DOCK3: variants seen among roughly 807,000 people sequenced by gnomAD.
DOCK3 encodes the protein dedicator of cytokinesis 3.
DOCK3 carries 60 observed loss-of-function variants against 265.6 expected under a neutral mutation model. The ratio of observed to expected loss-of-function variants is 0.23; its 90% CI spans 0.18 to 0.28. The LOEUF is 0.28. Among genes scored for constraint, DOCK3 ranks in the 10% least tolerant of loss-of-function variants. The pLI is 1.00. For missense variants in DOCK3, 1,981 were observed against 2,594.3 expected (o/e 0.76, Z 5.14); for synonymous variants, 881 against 938.0 (o/e 0.94, Z 1.11).
At chr3:50,861,846 G>A (rs1402936938) in intron 3 of DOCK3, among the ~76,000 whole-genome samples, 1 of 145,314 alleles carries the variant, frequency 6.9e-6, no homozygotes, top group African/African-American at 2.5e-5. Flanking sequence ...GCAGCAGAAG[G>A]TTGGGTCGTT....
At chr3:50,677,944 A>G (rs186724728) in intron 1 of DOCK3, among the ~76,000 whole-genome samples, 2 of 152,226 alleles carry the variant, frequency 1.3e-5, no homozygotes, top group East Asian at 3.9e-4. Context: ...ATCCTTTCTG[A>G]GGGTCAGTGA....
intron 32 of DOCK3, among the ~76,000 whole-genome samples, chr3:51,325,592 A>G (rs920119407): frequency 3.3e-5 from 5 of 152,190 alleles, no homozygotes; most frequent in East Asian, 1.9e-4. Flanking sequence ...AAATCATTCT[A>G]CTATAAAGAC....
chr3:51,297,010 C>T (rs2082117219), intron 27 of DOCK3, among the ~76,000 whole-genome samples: 1 of 146,576 alleles, frequency 6.8e-6, no homozygotes, highest in African/African-American at 2.5e-5. Flanking sequence ...CCCAGCTACT[C>T]AGGAGGCTGA....
intron 1 of DOCK3, among the ~76,000 whole-genome samples, chr3:50,712,503 A>G (rs1344665743): frequency 6.6e-6 from 1 of 151,988 alleles, no homozygotes; most frequent in Non-Finnish European, 1.5e-5. Context: ...ACGCCTGGCT[A>G]ATTTTTGTAT....
At chr3:50,813,641 G>T (rs563814359) in intron 2 of DOCK3, among the ~76,000 whole-genome samples, 4 of 152,248 alleles carry the variant, frequency 2.6e-5, no homozygotes, top group Admixed American at 1.3e-4. Context: ...TTATGATGGG[G>T]TTATGTCTTG....
At chr3:50,725,269 CAT>C (rs2108058064) in intron 1 of DOCK3, among the ~76,000 whole-genome samples, 1 of 152,236 alleles carries the variant, frequency 6.6e-6, no homozygotes, top group African/African-American at 2.4e-5. Context: ...ATAAGGTTCT[CAT>C]GTTGTTTCTG....
chr3:50,745,840 G>T (rs569361911), intron 1 of DOCK3, among the ~76,000 whole-genome samples: 2 of 152,252 alleles, frequency 1.3e-5, no homozygotes, highest in South Asian at 4.1e-4. Flanking sequence ...TCGGCTCCAG[G>T]GTTCCAAGAG....
At chr3:50,919,485 T>C (rs936990175) in intron 4 of DOCK3, among the ~76,000 whole-genome samples, 1 of 152,138 alleles carries the variant, frequency 6.6e-6, no homozygotes, top group East Asian at 1.9e-4. Flanking sequence ...TTGTAAGTTA[T>C]ATTCCTAGGT....
chr3:51,040,213 T>G (rs962188995), intron 5 of DOCK3, among the ~76,000 whole-genome samples: 11 of 2,020 alleles, frequency 5.4e-3, no homozygotes, highest in Admixed American at 8.1e-3. Flanking sequence ...ATGTGCCAGT[T>G]TTTTTTTTTT....
chr3:51,186,721 C>T (rs1469194396), intron 12 of DOCK3, among the ~76,000 whole-genome samples: 2 of 152,234 alleles, frequency 1.3e-5, no homozygotes, highest in East Asian at 3.8e-4. Flanking sequence ...GCTGCTCCAG[C>T]TGTGGCTGAA....
At chr3:50,901,327 C>A (rs1458996024) in intron 4 of DOCK3, among the ~76,000 whole-genome samples, 1 of 152,150 alleles carries the variant, frequency 6.6e-6, no homozygotes, top group Admixed American at 6.5e-5. Context: ...CCTCCCCCCA[C>A]CAAGCTCGAG....
Position 51,265,020 on chromosome 3 carries a change from A to G in DOCK3, c.2355+4694A>G, listed in dbSNP as rs373637156. 5.1e-4 allele frequency among the ~76,000 whole-genome samples: 78 copies of G among 152,226 alleles called. 1 individual carries two copies. The South Asian group carries it at 0.016, about 30-fold the overall frequency. On this transcript the variant is annotated intron_variant, in intron 23 of 52. Transcript: ENST00000266037. ...CAACAAAAAATGTGATAAAGGGGCA[A>G]TCACCACTGATCCCACAGAAATAGA...
intron 3 of DOCK3, among the ~76,000 whole-genome samples, chr3:50,847,530 C>T (rs2107333924): frequency 6.6e-6 from 1 of 152,134 alleles, no homozygotes; most frequent in East Asian, 1.9e-4. Context: ...GAGTTTAAAT[C>T]CAGATGTTAT....
intron 19 of DOCK3, 68 bp from the exon 20 acceptor site, chr3:51,236,277 T>G: frequency 1.7e-6 from 2 of 1,154,112 alleles, no homozygotes; most frequent in Non-Finnish European, 2.6e-6. Context: ...GTTAAATTCA[T>G]TGATTTATGG....
At chr3:51,010,049 A>G (rs1027166886) in intron 5 of DOCK3, among the ~76,000 whole-genome samples, 3 of 152,186 alleles carry the variant, frequency 2.0e-5, no homozygotes, top group East Asian at 1.9e-4. Flanking sequence ...TCTGTGGTCA[A>G]TTTTGGAATA....
rs575069003 is a variant in DOCK3, at chr3:51,015,324, T to A, written c.316-49124T>A. On this transcript the variant is annotated intron_variant, in intron 5 of 52. Transcript: ENST00000266037. ...ATGTTTCTAATGTACCCAGTTTTTT[T>A]AAAGATTTTTATTATGAAGGGATGT... Among the ~76,000 whole-genome samples the A allele has an allele frequency of 1.9e-4, 29 of 152,204 alleles. No homozygotes were observed. In the South Asian group the frequency reaches 2.9e-3, roughly 15 times the overall value.
chr3:50,735,538 A>G (rs1328971296), intron 1 of DOCK3, among the ~76,000 whole-genome samples: 1 of 151,918 alleles, frequency 6.6e-6, no homozygotes, highest in African/African-American at 2.4e-5. Flanking sequence ...GGGTTTCACC[A>G]TGTTGGCCAG....
intron 13 of DOCK3, among the ~76,000 whole-genome samples, chr3:51,210,278 T>A (rs2108161680): frequency 6.6e-6 from 1 of 152,252 alleles, no homozygotes; most frequent in Non-Finnish European, 1.5e-5. Context: ...GTGTCTGATT[T>A]TTGTCTAGAA....
At chr3:51,058,663 GTTTA>G (rs1316835526) in intron 5 of DOCK3, among the ~76,000 whole-genome samples, 2 of 152,126 alleles carry the variant, frequency 1.3e-5, no homozygotes, top group African/African-American at 4.8e-5. Context: ...AACAACAGAA[GTTTA>G]TTTATCACAT....
Sources: gnomAD v4.1 joint callset for allele counts (sites outside exome capture counted in the v4.1 genomes callset) on GRCh38, gnomAD v4.1.1 for gene constraint, MANE v1.5 for transcripts, NCBI Gene and HGNC (gene_info 2026-07-23, HGNC 2026-07-21) for gene names.